Variants in IL1RAPL2 observed in about 807,000 individuals in gnomAD.
IL1RAPL2 encodes interleukin 1 receptor accessory protein like 2.
In IL1RAPL2, 3 loss-of-function variants were observed where a neutral mutation model predicts 44.1. That is an observed-to-expected ratio of 0.07 (90% CI 0.03 to 0.18). The LOEUF (loss-of-function observed/expected upper bound fraction) is 0.18. Among genes scored for constraint, IL1RAPL2 ranks in the 10% least tolerant of loss-of-function variants. The pLI is 1.00. For missense variants in IL1RAPL2, 391 were observed against 496.4 expected (o/e 0.79, Z 2.02); for synonymous variants, 181 against 178.8 (o/e 1.01, Z -0.10).
At chrX:105,290,128 C>G (rs2752574) in intron 5 of IL1RAPL2, among the ~76,000 whole-genome samples, 29,159 of 110,389 alleles carry the variant, frequency 0.26, 7,538 homozygotes, top group African/African-American at 0.81. Flanking sequence ...ATACTGCATT[C>G]CTTGTTCAGG....
chrX:104,875,181 A>G (rs1922870099), intron 2 of IL1RAPL2, among the ~76,000 whole-genome samples: 1 of 111,933 alleles, frequency 8.9e-6, no homozygotes, highest in Non-Finnish European at 1.9e-5. Context: ...CTGCCCTGGC[A>G]ATTCCAGCCT....
At chrX:105,272,298 T>C (rs1443804573) in intron 5 of IL1RAPL2, among the ~76,000 whole-genome samples, 1 of 109,840 alleles carries the variant, frequency 9.1e-6, no homozygotes, top group African/African-American at 3.3e-5. Flanking sequence ...AAAAAGAAGG[T>C]CAAAGGCAGA....
chrX:104,699,856 G>T (rs1484694832), intron 2 of IL1RAPL2, among the ~76,000 whole-genome samples: 2 of 111,831 alleles, frequency 1.8e-5, no homozygotes, highest in Non-Finnish European at 3.8e-5. Flanking sequence ...CTAGGACATG[G>T]TCCTTGTGTG....
At chrX:105,121,951 A>G (rs148186325) in intron 2 of IL1RAPL2, among the ~76,000 whole-genome samples, 52 of 111,089 alleles carry the variant, frequency 4.7e-4, no homozygotes, top group African/African-American at 1.6e-3. Flanking sequence ...AGCACTCAGA[A>G]AAGTCATTTT....
intron 3 of IL1RAPL2, among the ~76,000 whole-genome samples, chrX:105,198,477 A>AT (rs1278312467): frequency 1.1e-4 from 12 of 112,343 alleles, no homozygotes; most frequent in South Asian, 3.7e-4. Flanking sequence ...TATTGCAAAG[A>AT]TAATATAGAG....
At chrX:105,069,473 T>A (rs943776257) in intron 2 of IL1RAPL2, among the ~76,000 whole-genome samples, 2 of 112,384 alleles carry the variant, frequency 1.8e-5, no homozygotes, top group Non-Finnish European at 3.8e-5. Context: ...CAGTTTTAGT[T>A]TGATTCTACG....
chrX:105,707,662 T>G (rs1433824651), intron 6 of IL1RAPL2, among the ~76,000 whole-genome samples: 2 of 112,072 alleles, frequency 1.8e-5, no homozygotes, highest in Non-Finnish European at 3.8e-5. Context: ...ACAAGTTAAC[T>G]TCTTTCTACT....
intron 8 of IL1RAPL2, among the ~76,000 whole-genome samples, 190 bp from the exon 9 acceptor site, chrX:105,748,770 C>G (rs1466856664): frequency 4.5e-5 from 5 of 112,095 alleles, no homozygotes; most frequent in Non-Finnish European, 9.4e-5. Context: ...GTAAATTAAT[C>G]AAATTTTAAA....
intron 5 of IL1RAPL2, among the ~76,000 whole-genome samples, chrX:105,281,995 T>C (rs777319910): frequency 2.7e-4 from 30 of 109,956 alleles, no homozygotes; most frequent in Admixed American, 5.8e-4. Context: ...GGAAAAAAAA[T>C]AGAAAGTTAA....
intron 5 of IL1RAPL2, among the ~76,000 whole-genome samples, chrX:105,301,449 A>G (rs975029573): frequency 2.7e-5 from 3 of 111,170 alleles, no homozygotes; most frequent in Non-Finnish European, 5.7e-5. Flanking sequence ...ATGTAAAATT[A>G]TTGACTACAG....
rs978352882 is a variant in IL1RAPL2, at chrX:105,040,236, T to G, written c.83-155239T>G. 6.3e-5 allele frequency among the ~76,000 whole-genome samples: 7 copies of G among 111,687 alleles called. No individual in the cohort carries two copies. The East Asian group carries it at 1.4e-3, about 22-fold the overall frequency. On this transcript the variant is annotated intron_variant, in intron 2 of 10. Coordinates refer to ENST00000372582, the MANE Select transcript of IL1RAPL2 (RefSeq NM_017416.2). ...TTGCATCCCAGGGATGAAGCCCACT[T>G]GATCATGGTGGATAAGCTTTTTGAT...
intron 5 of IL1RAPL2, among the ~76,000 whole-genome samples, chrX:105,452,239 A>G (rs1348095105): frequency 9.0e-6 from 1 of 111,712 alleles, no homozygotes; most frequent in South Asian, 3.7e-4. Flanking sequence ...ATTTTGACCA[A>G]TTTTAGAACC....
intron 3 of IL1RAPL2, chrX:105,219,355 G>A (rs782687241): frequency 1.7e-6 from 2 of 1,209,217 alleles, no homozygotes; most frequent in African/African-American, 3.5e-5. Context: ...GGGGTTCGTG[G>A]TTCCAGAGAA....
At chrX:104,886,536 G>A (rs1336337165) in intron 2 of IL1RAPL2, among the ~76,000 whole-genome samples, 1 of 112,392 alleles carries the variant, frequency 8.9e-6, no homozygotes, top group Non-Finnish European at 1.9e-5. Flanking sequence ...AATTCTAGGA[G>A]TACAAAAACT....
At chrX:104,597,679 T>TG in intron 1 of IL1RAPL2, among the ~76,000 whole-genome samples, 1 of 110,995 alleles carries the variant, frequency 9.0e-6, no homozygotes, top group South Asian at 3.9e-4. Flanking sequence ...AGCAGGTTTT[T>TG]GGGGGAAGGT....
intron 2 of IL1RAPL2, among the ~76,000 whole-genome samples, chrX:105,060,669 TCTCTC>T (rs1054772940): frequency 9.4e-5 from 10 of 106,521 alleles, no homozygotes; most frequent in Admixed American, 9.0e-4. Context: ...TTGGAAGTAT[TCTCTC>T]CTCCTCTATT....
At chrX:105,226,863 T>C (rs2034020862) in intron 3 of IL1RAPL2, among the ~76,000 whole-genome samples, 1 of 110,420 alleles carries the variant, frequency 9.1e-6, no homozygotes, top group African/African-American at 3.3e-5. Flanking sequence ...AGTCTAACTC[T>C]AAAAGCTGCA....
intron 2 of IL1RAPL2, among the ~76,000 whole-genome samples, chrX:104,823,484 T>C (rs1274838162): frequency 9.2e-6 from 1 of 109,284 alleles, no homozygotes; most frequent in African/African-American, 3.3e-5. Context: ...CACATTTTCT[T>C]AATCCAGTCT....
intron 1 of IL1RAPL2, among the ~76,000 whole-genome samples, chrX:104,602,452 T>C (rs1162369756): frequency 1.8e-5 from 2 of 111,135 alleles, no homozygotes; most frequent in Non-Finnish European, 3.8e-5. Context: ...CATACCCCAA[T>C]GGCACCTGGA....
Sources: gnomAD v4.1 joint callset for allele counts (sites outside exome capture counted in the v4.1 genomes callset) on GRCh38, gnomAD v4.1.1 for gene constraint, MANE v1.5 for transcripts, NCBI Gene and HGNC (gene_info 2026-07-23, HGNC 2026-07-21) for gene names.